Variants in PARD3B observed in about 807,000 individuals in gnomAD.
PARD3B encodes the protein par-3 family cell polarity regulator beta, also known as partitioning defective 3 homolog B.
A neutral mutation model predicts 130.2 loss-of-function variants in PARD3B; 103 were observed. The observed-to-expected ratio is 0.79, with a 90% CI of 0.67 to 0.93. The LOEUF (loss-of-function observed/expected upper bound fraction) is 0.93, where lower values mean the gene tolerates loss of function less well. Among genes scored for constraint, PARD3B ranks in the 40% least tolerant of loss-of-function variants. The probability of loss-of-function intolerance (pLI) is 0.00; values close to 1 mark genes in which losing one functional copy is unlikely to be tolerated. For synonymous variants in PARD3B, 583 were observed against 553.2 expected, an observed-to-expected ratio of 1.05 and a Z score of -0.76; for missense variants, 1,609 against 1,499.2, an observed-to-expected ratio of 1.07 and a Z score of -1.21.
At chr2:205,185,496 G>A (rs1174361971) in intron 13 of PARD3B, among the ~76,000 whole-genome samples, 1 of 152,140 alleles carries the variant, frequency 6.6e-6, no homozygotes, top group Non-Finnish European at 1.5e-5. Context: ...TTTTGTTGGT[G>A]GGAAAAGGTA....
intron 15 of PARD3B, among the ~76,000 whole-genome samples, chr2:205,195,335 A>G (rs1446283279): frequency 1.3e-5 from 2 of 152,200 alleles, no homozygotes; most frequent in Non-Finnish European, 1.5e-5. Context: ...TGCACCATGC[A>G]GTGGAAATAC....
chr2:205,041,040 T>C (rs1698362884), intron 3 of PARD3B, among the ~76,000 whole-genome samples: 1 of 152,194 alleles, frequency 6.6e-6, no homozygotes, highest in South Asian at 2.1e-4. Flanking sequence ...TCTATATTTC[T>C]TTCTTTCTGA....
chr2:204,851,277 G>T (rs1469358476), intron 2 of PARD3B, among the ~76,000 whole-genome samples: 2 of 152,166 alleles, frequency 1.3e-5, no homozygotes, highest in African/African-American at 4.8e-5. Flanking sequence ...CTGCCTGCCT[G>T]TGTGAGTTTG....
intron 18 of PARD3B, among the ~76,000 whole-genome samples, chr2:205,335,156 T>C (rs1284415685): frequency 6.6e-6 from 1 of 152,198 alleles, no homozygotes; most frequent in Non-Finnish European, 1.5e-5. Context: ...GTCCCTCTCA[T>C]GGAATTTATA....
chr2:205,281,491 G>A lies in PARD3B; in HGVS notation c.2186-19039G>A, dbSNP rs563259549. Among the ~76,000 whole-genome samples the A allele has an allele frequency of 1.2e-4, 18 of 152,292 alleles. 2 individuals are homozygous for A. The highest frequency in any genetic ancestry group is 3.9e-4 in the African/African-American group (16 of 41,558). On this transcript the variant is annotated intron_variant, in intron 16 of 22. Coordinates refer to ENST00000406610, the MANE Select transcript of PARD3B (RefSeq NM_001302769.2). The surrounding 1 kb of genome is among the most constrained non-coding windows in gnomAD (Gnocchi z 4.2). The stretch of plus-strand genomic sequence containing the variant: ...CAGTGAACAGTTAGCAAACTAGGGA[G>A]ATGCAGTATTTCTGTCCCAAAGTCC...
In PARD3B at chr2:204,686,185, C is replaced by G. The variant is rs779207101; in HGVS notation, c.125C>G (p.Pro42Arg). The G allele has an allele frequency of 5.6e-6, 9 of 1,604,982 alleles. No homozygotes were observed. The highest frequency in any genetic ancestry group is 6.8e-6 in the Non-Finnish European group (8 of 1,171,958). The change falls in exon 2 of 23, where the codon CCT (proline) becomes CGT (arginine). Residue 42 changes from proline (P) to arginine (R), a missense_variant. Coordinates refer to ENST00000406610, the MANE Select transcript of PARD3B (RefSeq NM_001302769.2). ...QRYLKTREKG[P>R]GYWVKIHHLE... ...CTTGTGTTTGTTCTACTATAGGGTCCTGGTTACTGGGTGAAGATTCATCAC... is the reference window on the plus strand; with the variant it reads ...CTTGTGTTTGTTCTACTATAGGGTCGTGGTTACTGGGTGAAGATTCATCAC...
At chr2:204,947,563 TCCCTCCCC>T (rs1689432522) in intron 2 of PARD3B, among the ~76,000 whole-genome samples, 2 of 80,294 alleles carry the variant, frequency 2.5e-5, no homozygotes, top group African/African-American at 8.1e-5. Flanking sequence ...CTCCCTCCCC[TCCCTCCCC>T]TCCCTCTCTT....
chr2:204,583,369 T>G lies in PARD3B; in HGVS notation c.120+37250T>G, dbSNP rs561171036. On this transcript the variant is annotated intron_variant, in intron 1 of 22. Coordinates refer to ENST00000406610, the MANE Select transcript of PARD3B (RefSeq NM_001302769.2). ...AAACCATCATTCTCAGTAAACTATC[T>G]CAAGAACAAAAAACCAAACACCGCA... Among the ~76,000 whole-genome samples the G allele has an allele frequency of 4.7e-3, 478 of 101,494 alleles. 2 individuals carry two copies. The highest frequency in any genetic ancestry group is 0.017 in the African/African-American group (459 of 26,542). The allele number at this position is 101,494 out of a possible 152,430, so 66.6% of individuals were successfully genotyped here. A position where few individuals can be genotyped will look rare whatever the true frequency, so the allele number is the denominator to read the frequency against.
At chr2:205,365,184 G>A (rs992631764) in intron 18 of PARD3B, among the ~76,000 whole-genome samples, 1 of 135,328 alleles carries the variant, frequency 7.4e-6, no homozygotes, top group Admixed American at 8.5e-5. Flanking sequence ...TGGGAGACAA[G>A]AGTAAAACTC....
intron 2 of PARD3B, among the ~76,000 whole-genome samples, chr2:204,932,868 G>A (rs1375570097): frequency 6.6e-6 from 1 of 152,178 alleles, no homozygotes; most frequent in African/African-American, 2.4e-5. Context: ...TGTTTGTCAG[G>A]TTATTGGCAC....
intron 19 of PARD3B, among the ~76,000 whole-genome samples, chr2:205,410,012 T>C (rs2046543602): frequency 6.6e-6 from 1 of 152,210 alleles, no homozygotes; most frequent in African/African-American, 2.4e-5. Context: ...CACTGGATTT[T>C]ATGCCAATCA....
At chr2:204,639,916 C>A (rs781210396) in intron 1 of PARD3B, among the ~76,000 whole-genome samples, 1 of 152,130 alleles carries the variant, frequency 6.6e-6, no homozygotes, top group Non-Finnish European at 1.5e-5. Context: ...CCAGGGCCTG[C>A]AGTTGAACTC....
chr2:205,486,931 A>T (rs565470173), intron 20 of PARD3B, among the ~76,000 whole-genome samples: 1 of 152,214 alleles, frequency 6.6e-6, no homozygotes, highest in Non-Finnish European at 1.5e-5. Context: ...CGTAAAAGGA[A>T]TGAAAAGAAT....
intron 2 of PARD3B, among the ~76,000 whole-genome samples, chr2:204,940,386 C>T (rs1013549885): frequency 3.3e-5 from 5 of 151,792 alleles, no homozygotes; most frequent in Non-Finnish European, 5.9e-5. Context: ...TCTCTGGGAG[C>T]GAACTGGAGT....
Position 205,146,128 on chromosome 2 carries a change from G to C in PARD3B, c.1435-12594G>C, listed in dbSNP as rs2033338433. On this transcript the variant is annotated intron_variant, in intron 10 of 22. Transcript: ENST00000406610. The surrounding 1 kb of genome is among the most constrained non-coding windows in gnomAD (Gnocchi z 4.3). ...GCAAGTCTCATCTGTGGATACAGCA[G>C]GCACCGTAGCCCATGTACTCACTTT... Among the ~76,000 whole-genome samples the C allele has an allele frequency of 1.3e-5, 2 of 152,186 alleles. No individual in the cohort carries two copies. Among genetic ancestry groups the C allele is most frequent in the Admixed American group, 1.3e-4 (2 of 15,278 alleles).
intron 1 of PARD3B, among the ~76,000 whole-genome samples, chr2:204,569,880 CAA>C (rs2125066757): frequency 6.6e-6 from 1 of 152,224 alleles, no homozygotes; most frequent in Non-Finnish European, 1.5e-5. Flanking sequence ...GCTATAGTCT[CAA>C]AGATCATGAT....
At chr2:204,803,060 G>T (rs1238641780) in intron 2 of PARD3B, among the ~76,000 whole-genome samples, 1 of 149,318 alleles carries the variant, frequency 6.7e-6, no homozygotes, top group South Asian at 2.1e-4. Context: ...ATGCAGTTGT[G>T]CTCCAGTACA....
intron 14 of PARD3B, among the ~76,000 whole-genome samples, chr2:205,188,668 G>A (rs779658979): frequency 3.4e-4 from 51 of 151,908 alleles, no homozygotes; most frequent in Non-Finnish European, 5.9e-4. Context: ...AAGCTGCTGC[G>A]TTGCCTAGGT....
rs1338776985 is a variant in PARD3B at position 205,407,680 on chromosome 2, T to G, written c.2741+6557T>G. 6.6e-6 allele frequency among the ~76,000 whole-genome samples: 1 copy of G among 152,150 alleles called. No homozygotes were observed. The highest frequency in any genetic ancestry group is 1.5e-5 in the Non-Finnish European group (1 of 68,008). On this transcript the variant is annotated intron_variant, in intron 19 of 22. Coordinates refer to ENST00000406610, the MANE Select transcript of PARD3B (RefSeq NM_001302769.2). The surrounding 1 kb of genome is among the most constrained non-coding windows in gnomAD (Gnocchi z 4.1). ...TTAAAAGAAAAATATGTCCCCCTCC[T>G]CATCATTAATTTAGTATTACTATCC...
Sources: allele counts gnomAD v4.1 joint callset (sites outside exome capture counted in the v4.1 genomes callset), GRCh38; gene constraint gnomAD v4.1.1; non-coding constraint Gnocchi (gnomAD v3.1); transcripts MANE v1.5; gene names NCBI Gene and HGNC (gene_info 2026-07-23, HGNC 2026-07-21).